The following BRD10 variants were observed in gnomAD, a reference collection of about 807,000 sequenced individuals.
The protein encoded by BRD10 is uncharacterized bromodomain-containing protein 10.
the BRD10 span, among the ~76,000 whole-genome samples, chr9:5,977,425 C>T: frequency 0.012 from 1,819 of 152,254 alleles, 20 homozygotes; most frequent in South Asian, 0.039. Flanking sequence ...GAGTCTCTTT[C>T]CTGATCCTCA....
At chr9:5,974,237 T>C in the BRD10 span, among the ~76,000 whole-genome samples, 2 of 152,172 alleles carry the variant, frequency 1.3e-5, no homozygotes, top group Non-Finnish European at 2.9e-5. Context: ...ATCTTTAAAG[T>C]GCTGAATTAA....
chr9:5,993,396 C>T, the BRD10 span, among the ~76,000 whole-genome samples: 6 of 148,208 alleles, frequency 4.0e-5, no homozygotes, highest in Admixed American at 4.1e-4. Flanking sequence ...TATTAAAATG[C>T]AACTTTAGCC....
chr9:5,942,278 T>A, the BRD10 span, among the ~76,000 whole-genome samples: 11 of 152,174 alleles, frequency 7.2e-5, no homozygotes, highest in African/African-American at 2.7e-4. Context: ...TTGTGTTTAG[T>A]ACAAGGAGTC....
the BRD10 span, among the ~76,000 whole-genome samples, chr9:5,899,834 A>G: frequency 1.0e-3 from 154 of 152,274 alleles, no homozygotes; most frequent in Admixed American, 1.7e-3. Flanking sequence ...TAGTCACTCA[A>G]TTGTGTTGCA....
chr9:5,986,209 T>G, the BRD10 span, among the ~76,000 whole-genome samples: 4 of 152,266 alleles, frequency 2.6e-5, no homozygotes, highest in African/African-American at 9.6e-5. Flanking sequence ...CACTTATGAG[T>G]GAGAACATGT....
chr9:5,923,416 G>C, the BRD10 span: 1 of 797,432 alleles, frequency 1.3e-6, no homozygotes, highest in Non-Finnish European at 2.0e-6. Context: ...AGTGTATTAA[G>C]AAATCTACTG....
chr9:6,006,677 A>G, the BRD10 span, among the ~76,000 whole-genome samples: 1 of 152,228 alleles, frequency 6.6e-6, no homozygotes, highest in Admixed American at 6.5e-5. Flanking sequence ...GTAGTATGCA[A>G]AAGTAACCAT....
At chr9:5,907,402 C>T in the BRD10 span, among the ~76,000 whole-genome samples, 6 of 152,162 alleles carry the variant, frequency 3.9e-5, no homozygotes, top group African/African-American at 7.2e-5. Context: ...TTGTATAGAG[C>T]TGTGCTGTCT....
At chr9:5,923,654 TG>T in the BRD10 span, among the ~76,000 whole-genome samples, 1 of 152,190 alleles carries the variant, frequency 6.6e-6, no homozygotes, top group Non-Finnish European at 1.5e-5. Context: ...GAATTTAATT[TG>T]CAAAGGAATC....
the BRD10 span, among the ~76,000 whole-genome samples, chr9:5,883,201 C>A: frequency 6.6e-6 from 1 of 152,030 alleles, no homozygotes; most frequent in South Asian, 2.1e-4. Context: ...TCCTTTACTT[C>A]CCTAAATATG....
chr9:5,893,028 G>C, the BRD10 span, among the ~76,000 whole-genome samples: 2 of 152,166 alleles, frequency 1.3e-5, no homozygotes, highest in Non-Finnish European at 2.9e-5. Context: ...AGCCTTTGCA[G>C]TATAACTTTA....
At chr9:5,895,007 T>G in the BRD10 span, among the ~76,000 whole-genome samples, 3 of 152,354 alleles carry the variant, frequency 2.0e-5, no homozygotes, top group South Asian at 6.2e-4. Flanking sequence ...TCAGGTGGGT[T>G]ATCTGACATT....
the BRD10 span, among the ~76,000 whole-genome samples, chr9:5,924,497 G>C: frequency 1.3e-5 from 2 of 152,038 alleles, no homozygotes; most frequent in Non-Finnish European, 2.9e-5. Flanking sequence ...GCCTAGGCTA[G>C]TAGAAACTTC....
the BRD10 span, chr9:5,920,682 T>A: frequency 6.2e-7 from 1 of 1,614,020 alleles, no homozygotes; most frequent in South Asian, 1.1e-5. Context: ...ACAGAACGTG[T>A]GGCTCCTGGT....
the BRD10 span, among the ~76,000 whole-genome samples, chr9:5,938,966 G>C: frequency 2.6e-5 from 4 of 152,028 alleles, no homozygotes; most frequent in Non-Finnish European, 4.4e-5. Flanking sequence ...TTATACTGTA[G>C]TACAACAGAT....
the BRD10 span, among the ~76,000 whole-genome samples, chr9:5,940,711 G>C: frequency 6.6e-6 from 1 of 151,998 alleles, no homozygotes; most frequent in Non-Finnish European, 1.5e-5. Context: ...AGGACAAATG[G>C]GGAGAAAAGT....
At chr9:5,922,529 G>A in the BRD10 span, 263 of 1,613,844 alleles carry the variant, frequency 1.6e-4, no homozygotes, top group Non-Finnish European at 2.1e-4. Flanking sequence ...AGTTCCTGGT[G>A]AGTTGACAAA....
the BRD10 span, among the ~76,000 whole-genome samples, chr9:5,961,701 T>C: frequency 6.6e-5 from 10 of 152,176 alleles, no homozygotes; most frequent in Admixed American, 6.5e-4. Flanking sequence ...TATTCTATAA[T>C]GTTTCCAATA....
At chr9:5,976,820 G>T in the BRD10 span, among the ~76,000 whole-genome samples, 1 of 151,710 alleles carries the variant, frequency 6.6e-6, no homozygotes, top group Non-Finnish European at 1.5e-5. Context: ...GTGCATACAT[G>T]ACTAACATCA....
Sources: allele counts gnomAD v4.1 joint callset (sites outside exome capture counted in the v4.1 genomes callset), GRCh38; gene constraint gnomAD v4.1.1; transcripts MANE v1.5; gene names NCBI Gene and HGNC (gene_info 2026-07-23, HGNC 2026-07-21).